Variants in ADAMTSL1 observed in about 807,000 individuals in gnomAD.
The protein encoded by ADAMTSL1 is ADAMTS like 1.
Under a neutral mutation model 201.8 loss-of-function variants are expected in ADAMTSL1, and 126 were observed. The ratio of observed to expected loss-of-function variants is 0.62; its 90% CI spans 0.54 to 0.72. ADAMTSL1 has a LOEUF of 0.72. ADAMTSL1 is among the 30% of genes least tolerant of loss of function. The pLI is 0.00. For missense variants in ADAMTSL1, 2,679 were observed against 2,277.8 expected, an observed-to-expected ratio of 1.18 and a Z score of -3.59; for synonymous variants, 1,121 against 903.4, an observed-to-expected ratio of 1.24 and a Z score of -4.32.
rs145537845 is a variant in ADAMTSL1 at position 17,983,784 on chromosome 9, T to C, written c.87+76862T>C. Among the ~76,000 whole-genome samples, 226 of 152,262 alleles carry C rather than the reference T, an allele frequency of 1.5e-3. 1 individual carries two copies. Among genetic ancestry groups the C allele is most frequent in the African/African-American group, 5.1e-3 (212 of 41,586 alleles). ...TTGGGATTAATAACCTGGGAACATT[T>C]TGTTTGTTAGTGAGGCTTTTGAAGT... On this transcript the variant is annotated intron_variant, in intron 1 of 29. Coordinates refer to the ADAMTSL1 transcript ENST00000680146.
chr9:18,215,449 A>C (rs1382760439), intron 2 of ADAMTSL1, among the ~76,000 whole-genome samples: 1 of 152,244 alleles, frequency 6.6e-6, no homozygotes, highest in Non-Finnish European at 1.5e-5. Context: ...TTTATGAGTT[A>C]TATATGTGTT....
chr9:18,340,250 G>T (rs1341523955), intron 2 of ADAMTSL1, among the ~76,000 whole-genome samples: 1 of 152,096 alleles, frequency 6.6e-6, no homozygotes, highest in Non-Finnish European at 1.5e-5. Context: ...GAATTTCTCA[G>T]ATTCTGTCTT....
At chr9:18,336,414 TAA>T (rs1835244685) in intron 2 of ADAMTSL1, among the ~76,000 whole-genome samples, 1 of 152,048 alleles carries the variant, frequency 6.6e-6, no homozygotes, top group African/African-American at 2.4e-5. Flanking sequence ...TCTGAATATG[TAA>T]AGTCACTCAA....
chr9:18,575,322 G>T (rs1291704881), intron 4 of ADAMTSL1, among the ~76,000 whole-genome samples: 2 of 152,096 alleles, frequency 1.3e-5, no homozygotes, highest in Non-Finnish European at 2.9e-5. Context: ...AAATCATGAG[G>T]CAGAGAAACT....
chr9:18,610,390 C>T (rs1825296388), intron 4 of ADAMTSL1, among the ~76,000 whole-genome samples: 1 of 152,132 alleles, frequency 6.6e-6, no homozygotes, highest in South Asian at 2.1e-4. Flanking sequence ...ATTTGAGATA[C>T]TTTTGAGAGA....
intron 1 of ADAMTSL1, among the ~76,000 whole-genome samples, chr9:18,141,325 G>A (rs929069014): frequency 1.5e-4 from 23 of 152,280 alleles, no homozygotes; most frequent in South Asian, 1.2e-3. Flanking sequence ...TGCCTTAACA[G>A]CCCAGGGAAC....
intron 2 of ADAMTSL1, among the ~76,000 whole-genome samples, chr9:18,343,941 A>G (rs1237504218): frequency 6.6e-6 from 1 of 152,010 alleles, no homozygotes; most frequent in Non-Finnish European, 1.5e-5. Flanking sequence ...GCCTATGCAA[A>G]TCTCTCCTGA....
At position 18,474,375 on chromosome 9, in the gene ADAMTSL1, TTG is replaced by T. The variant is rs146877500; in HGVS notation, c.63+96_63+97del. 5.7e-3 allele frequency: 7,503 copies of T among 1,312,804 alleles called. 14 individuals are homozygous for T. Among genetic ancestry groups the T allele is most frequent in the African/African-American group, 0.018 (1,211 of 67,810 alleles). 81.3% of individuals were successfully genotyped at this position (1,312,804 alleles called of 1,614,324 possible). ...TGGGGGTGTGTGTGTGTATGTGTGT[TTG>T]TGTGTGTGTGTGTGTCTTTATCTTA... On this transcript the variant is annotated intron_variant, in intron 1 of 28. Coordinates refer to ENST00000380548, the MANE Select transcript of ADAMTSL1 (RefSeq NM_001040272.6).
chr9:18,825,540 C>T (rs1824492464), intron 21 of ADAMTSL1, among the ~76,000 whole-genome samples: 1 of 152,118 alleles, frequency 6.6e-6, no homozygotes, highest in African/African-American at 2.4e-5. Context: ...TTCCATTTGT[C>T]TAGTTCATAC....
chr9:17,974,439 A>G (rs892561472), intron 1 of ADAMTSL1, among the ~76,000 whole-genome samples: 2 of 152,048 alleles, frequency 1.3e-5, no homozygotes, highest in Non-Finnish European at 2.9e-5. Flanking sequence ...GTGTAAATGT[A>G]GTCACCATGC....
intron 2 of ADAMTSL1, among the ~76,000 whole-genome samples, chr9:18,275,327 C>T (rs531513327): frequency 1.6e-4 from 25 of 152,198 alleles, no homozygotes; most frequent in East Asian, 7.7e-4. Context: ...TAGTTTCATA[C>T]CCATTTATTT....
intron 2 of ADAMTSL1, among the ~76,000 whole-genome samples, chr9:18,362,677 A>G (rs7042471): frequency 4.5e-4 from 68 of 152,298 alleles, no homozygotes; most frequent in African/African-American, 1.6e-3. Flanking sequence ...TAGCAAGGTA[A>G]AGCCAGTCTG....
At chr9:18,745,371 C>T (rs1022535337) in intron 15 of ADAMTSL1, among the ~76,000 whole-genome samples, 4 of 152,082 alleles carry the variant, frequency 2.6e-5, no homozygotes, top group South Asian at 2.1e-4. Flanking sequence ...TCAAATTGTC[C>T]CAGACAGGAC....
intron 1 of ADAMTSL1, among the ~76,000 whole-genome samples, chr9:18,025,029 C>A (rs564746244): frequency 5.3e-4 from 80 of 152,166 alleles, no homozygotes; most frequent in Non-Finnish European, 8.4e-4. Context: ...TAATGTGGAG[C>A]ATTTTTTCAT....
At chr9:18,366,568 T>C (rs185141483) in intron 2 of ADAMTSL1, among the ~76,000 whole-genome samples, 1 of 152,002 alleles carries the variant, frequency 6.6e-6, no homozygotes, top group Admixed American at 6.6e-5. Context: ...ATGTTAATAT[T>C]ATTTTCTTTT....
chr9:17,949,439 A>T (rs1185382905), intron 1 of ADAMTSL1, among the ~76,000 whole-genome samples: 1 of 152,336 alleles, frequency 6.6e-6, no homozygotes, highest in East Asian at 1.9e-4. Context: ...CTTTGGAAGG[A>T]GAGTGAGGGT....
intron 23 of ADAMTSL1, among the ~76,000 whole-genome samples, chr9:18,861,343 C>T (rs968599295): frequency 3.3e-5 from 5 of 152,192 alleles, no homozygotes; most frequent in African/African-American, 1.2e-4. Context: ...CTAAATTGGC[C>T]TGAATCCCAG....
chr9:18,150,631 G>A (rs1386638839), intron 1 of ADAMTSL1, among the ~76,000 whole-genome samples: 1 of 151,926 alleles, frequency 6.6e-6, no homozygotes, highest in Non-Finnish European at 1.5e-5. Context: ...TGCTCTCTCT[G>A]TCTTAAATAT....
At chr9:18,373,832 C>T (rs969504422) in intron 2 of ADAMTSL1, among the ~76,000 whole-genome samples, 4 of 152,214 alleles carry the variant, frequency 2.6e-5, no homozygotes, top group African/African-American at 4.8e-5. Flanking sequence ...AGGATTTTCA[C>T]CTAGCTACTA....
Sources: allele counts gnomAD v4.1 joint callset (sites outside exome capture counted in the v4.1 genomes callset), GRCh38; gene constraint gnomAD v4.1.1; transcripts MANE v1.5; gene names NCBI Gene and HGNC (gene_info 2026-07-23, HGNC 2026-07-21).